The following ARMH3 variants were observed in gnomAD, a reference collection of about 807,000 sequenced individuals.
ARMH3 encodes armadillo-like helical domain-containing protein 3.
In ARMH3, 60 loss-of-function variants were observed where a neutral mutation model predicts 99.1. The observed-to-expected ratio is 0.61, with a 90% CI of 0.49 to 0.75. The LOEUF (loss-of-function observed/expected upper bound fraction) is 0.75, where lower values mean the gene tolerates loss of function less well. Ranked by LOEUF, ARMH3 falls within the 30% of genes least tolerant of loss-of-function variation. The pLI is 0.00. For synonymous variants in ARMH3, 285 were observed against 292.8 expected (o/e 0.97, Z 0.27); for missense variants, 679 against 843.1 (o/e 0.81, Z 2.41).
rs766493742 is a variant in ARMH3, at chr10:101,847,638, G to C, written c.1978-18C>G. 4.3e-6 allele frequency: 7 copies of C among 1,612,358 alleles called. No individual in the cohort carries two copies. The highest frequency in any genetic ancestry group is 2.5e-6 in the Non-Finnish European group (3 of 1,178,382). ...GATCGAACCTGGGAAAGGGTAGTTG[G>C]GGAAGGTGGGAGGGCGCAGCCAGAG... On this transcript the variant is annotated intron_variant, in intron 25 of 25. Coordinates refer to ENST00000370033, the MANE Select transcript of ARMH3 (RefSeq NM_024541.3).
At chr10:101,874,609 T>C (rs1239258594) in intron 24 of ARMH3, among the ~76,000 whole-genome samples, 1 of 152,172 alleles carries the variant, frequency 6.6e-6, no homozygotes, top group African/African-American at 2.4e-5. Context: ...ACCTGGGCTT[T>C]CTAATAAGCT....
intron 22 of ARMH3, among the ~76,000 whole-genome samples, chr10:101,942,892 C>T (rs888191891): frequency 5.9e-5 from 9 of 151,842 alleles, no homozygotes; most frequent in African/African-American, 2.2e-4. Flanking sequence ...AATGTCTTTC[C>T]TCTTCTAGCC....
At chr10:102,039,021 A>G (rs2067346325) in intron 2 of ARMH3, among the ~76,000 whole-genome samples, 1 of 152,020 alleles carries the variant, frequency 6.6e-6, no homozygotes, top group African/African-American at 2.4e-5. Flanking sequence ...GATTACAGGC[A>G]TGGGCCACTA....
At chr10:101,921,158 GTTT>G (rs1341893352) in intron 23 of ARMH3, among the ~76,000 whole-genome samples, 2 of 152,100 alleles carry the variant, frequency 1.3e-5, no homozygotes, top group African/African-American at 4.8e-5. Context: ...TCTTAAAAAC[GTTT>G]TTTAAAAGGA....
chr10:102,025,319 G>A (rs1263423927), intron 5 of ARMH3, 71 bp from the exon 6 acceptor site: 31 of 1,195,452 alleles, frequency 2.6e-5, no homozygotes, highest in Non-Finnish European at 3.8e-5. Context: ...TCTGGGTTAT[G>A]TTATACAGGG....
At chr10:101,941,432 C>T (rs1272282099) in intron 22 of ARMH3, among the ~76,000 whole-genome samples, 5 of 152,080 alleles carry the variant, frequency 3.3e-5, no homozygotes, top group African/African-American at 1.2e-4. Flanking sequence ...AAATGTGTGA[C>T]CAATCTGTAT....
intron 23 of ARMH3, among the ~76,000 whole-genome samples, chr10:101,923,330 A>G (rs1217184022): frequency 6.6e-6 from 1 of 152,196 alleles, no homozygotes; most frequent in Non-Finnish European, 1.5e-5. Context: ...TGCAGACACA[A>G]TTCATTTAAC....
intron 23 of ARMH3, among the ~76,000 whole-genome samples, chr10:101,933,085 C>G (rs1843791543): frequency 6.6e-6 from 1 of 152,120 alleles, no homozygotes; most frequent in Admixed American, 6.5e-5. Flanking sequence ...ACTCGGAAGG[C>G]TGAGGCAGGA....
chr10:102,032,973 T>TA, intron 4 of ARMH3, 53 bp downstream of exon 4: 2 of 1,596,420 alleles, frequency 1.3e-6, no homozygotes, highest in Non-Finnish European at 1.7e-6. Flanking sequence ...ACAGATGTGT[T>TA]ACAATTCCTT....
chr10:101,928,529 C>A (rs1303652309), intron 23 of ARMH3, among the ~76,000 whole-genome samples: 1 of 152,060 alleles, frequency 6.6e-6, no homozygotes, highest in Non-Finnish European at 1.5e-5. Flanking sequence ...ACAAGCCAGG[C>A]ACAGTGGCAC....
intron 19 of ARMH3, among the ~76,000 whole-genome samples, chr10:101,979,706 C>T (rs1435987126): frequency 6.6e-6 from 1 of 152,198 alleles, no homozygotes; most frequent in African/African-American, 2.4e-5. Flanking sequence ...TTACAGCTTT[C>T]ACGGCAATGT....
At chr10:101,932,737 A>T (rs1429975601) in intron 23 of ARMH3, among the ~76,000 whole-genome samples, 2 of 152,248 alleles carry the variant, frequency 1.3e-5, no homozygotes, top group Non-Finnish European at 2.9e-5. Flanking sequence ...AAACAGAATG[A>T]TAATAGCCAG....
At chr10:101,977,355 G>C (rs1289584690) in intron 19 of ARMH3, among the ~76,000 whole-genome samples, 18 of 152,014 alleles carry the variant, frequency 1.2e-4, no homozygotes, top group Non-Finnish European at 2.6e-4. Context: ...ATTTTGAAAG[G>C]TTAAAAAGCC....
intron 1 of ARMH3, among the ~76,000 whole-genome samples, chr10:102,052,686 G>GTCT (rs2067735524): frequency 6.6e-6 from 1 of 152,176 alleles, no homozygotes; most frequent in South Asian, 2.1e-4. Context: ...CCTGCCTTGA[G>GTCT]AAGCTCACTA....
At chr10:101,997,677 T>C (rs1847124594) in intron 15 of ARMH3, among the ~76,000 whole-genome samples, 1 of 152,110 alleles carries the variant, frequency 6.6e-6, no homozygotes, top group South Asian at 2.1e-4. Flanking sequence ...ATTAATGTTG[T>C]TTTATTTAAG....
chr10:101,871,367 CA>C (rs1191648599), intron 24 of ARMH3, among the ~76,000 whole-genome samples: 1 of 151,968 alleles, frequency 6.6e-6, no homozygotes, highest in Non-Finnish European at 1.5e-5. Context: ...CTAGAATATT[CA>C]AAAACATTTA....
intron 20 of ARMH3, among the ~76,000 whole-genome samples, chr10:101,965,480 C>T (rs1470780101): frequency 1.3e-5 from 2 of 152,196 alleles, no homozygotes; most frequent in Admixed American, 1.3e-4. Flanking sequence ...TGGCAATCTT[C>T]AAAATAATCA....
chr10:101,873,600 T>C (rs377191887), intron 24 of ARMH3, among the ~76,000 whole-genome samples: 74 of 152,300 alleles, frequency 4.9e-4, no homozygotes, highest in African/African-American at 1.7e-3. Flanking sequence ...AACACTTTTA[T>C]CAACCCAAAA....
At chr10:101,957,798 A>C in intron 20 of ARMH3, 66 bp from the exon 21 acceptor site, 1 of 1,501,822 alleles carries the variant, frequency 6.7e-7, no homozygotes, top group Non-Finnish European at 8.8e-7. Context: ...TTAAATAAAA[A>C]CAGACTAGCT....
Sources: allele counts gnomAD v4.1 joint callset (sites outside exome capture counted in the v4.1 genomes callset), GRCh38; gene constraint gnomAD v4.1.1; transcripts MANE v1.5; gene names NCBI Gene and HGNC (gene_info 2026-07-23, HGNC 2026-07-21).